TM9SF3: variants seen among roughly 807,000 people sequenced by gnomAD.
TM9SF3 encodes the protein SM-11044-binding protein.
A neutral mutation model predicts 78.6 loss-of-function variants in TM9SF3; 14 were observed. The observed-to-expected ratio is 0.18, with a 90% CI of 0.12 to 0.28. TM9SF3 has a LOEUF of 0.28. TM9SF3 is among the 10% of genes least tolerant of loss of function. The pLI, the probability that TM9SF3 is intolerant of heterozygous loss-of-function variation, is 1.00. For synonymous variants in TM9SF3, 231 were observed against 241.7 expected (o/e 0.96, Z 0.41); for missense variants, 496 against 721.9 (o/e 0.69, Z 3.59).
At chr10:96,586,683 G>A in intron 1 of TM9SF3, 51 bp downstream of exon 1, 2 of 1,204,586 alleles carry the variant, frequency 1.7e-6, no homozygotes, top group Non-Finnish European at 2.1e-6. Flanking sequence ...CTGCCTCAGT[G>A]GGCAACTGGG....
At chr10:96,578,082 T>A (rs1380852713) in intron 1 of TM9SF3, among the ~76,000 whole-genome samples, 3 of 152,260 alleles carry the variant, frequency 2.0e-5, no homozygotes, top group Admixed American at 2.0e-4. Flanking sequence ...CCCAAAAACA[T>A]TAACTTGTAT....
At chr10:96,556,662 A>G (rs913907439) in intron 5 of TM9SF3, among the ~76,000 whole-genome samples, 1 of 152,152 alleles carries the variant, frequency 6.6e-6, no homozygotes, top group Admixed American at 6.5e-5. Flanking sequence ...ATTTAAAAAA[A>G]AAAGAAAGAA....
chr10:96,547,758 T>C (rs1281551078), intron 8 of TM9SF3, 137 bp downstream of exon 8: 3 of 655,610 alleles, frequency 4.6e-6, no homozygotes, highest in Non-Finnish European at 2.6e-6. Context: ...AGGTGGAGAC[T>C]GCAGTGAGCA....
chr10:96,579,168 C>A (rs1024031498), intron 1 of TM9SF3, among the ~76,000 whole-genome samples: 1 of 152,162 alleles, frequency 6.6e-6, no homozygotes, highest in Non-Finnish European at 1.5e-5. Flanking sequence ...AGTTCATTGG[C>A]AACTTGGTAA....
chr10:96,563,379 T>A (rs1421560055), intron 3 of TM9SF3, among the ~76,000 whole-genome samples: 1 of 152,044 alleles, frequency 6.6e-6, no homozygotes, highest in South Asian at 2.1e-4. Flanking sequence ...ATAATTAATT[T>A]TTTTTTTTTT....
intron 10 of TM9SF3, 61 bp downstream of exon 10, chr10:96,532,990 A>T: frequency 6.3e-7 from 1 of 1,585,248 alleles, no homozygotes. Context: ...CATGTACACA[A>T]CAGCCTTAAG....
At chr10:96,531,451 T>C (rs1014544612) in intron 10 of TM9SF3, among the ~76,000 whole-genome samples, 1 of 152,190 alleles carries the variant, frequency 6.6e-6, no homozygotes, top group Non-Finnish European at 1.5e-5. Flanking sequence ...CATCTAGGTA[T>C]TTCCAGTGCC....
chr10:96,520,687 T>TTTAC lies in TM9SF3; in HGVS notation c.*1575_*1576insGTAA. The TTTAC allele has an allele frequency of 2.6e-6, 1 of 388,990 alleles. No homozygotes were observed. Among genetic ancestry groups the TTTAC allele is most frequent in the Non-Finnish European group, 4.6e-6 (1 of 219,488 alleles). The allele number at this position is 388,990 out of a possible 1,614,324, so 24.1% of individuals were successfully genotyped here. A position where few individuals can be genotyped will look rare whatever the true frequency, so the allele number is the denominator to read the frequency against. On this transcript the variant is annotated 3_prime_UTR_variant, in exon 15 of 15. Transcript: ENST00000371142. ...ATTCAAATCACTTCTCTTACAAAAC[T>TTTAC]GTAACCTTTATTTGTTGATCCAACA...
At chr10:96,524,605 C>A (rs1370808884) in intron 14 of TM9SF3, among the ~76,000 whole-genome samples, 1 of 151,764 alleles carries the variant, frequency 6.6e-6, no homozygotes, top group African/African-American at 2.4e-5. Flanking sequence ...AAAGAGAATA[C>A]TGAATATGCC....
intron 6 of TM9SF3, among the ~76,000 whole-genome samples, chr10:96,551,779 C>G (rs537543874): frequency 6.6e-6 from 1 of 152,164 alleles, no homozygotes; most frequent in South Asian, 2.1e-4. Context: ...CAATCAGGGG[C>G]TAGGTGGAGA....
At chr10:96,556,706 T>C (rs143665967) in intron 5 of TM9SF3, among the ~76,000 whole-genome samples, 15 of 152,246 alleles carry the variant, frequency 9.9e-5, no homozygotes, top group African/African-American at 3.6e-4. Context: ...CACTGGCTAC[T>C]GCACCATTTC....
chr10:96,559,636 CT>C, intron 5 of TM9SF3, 22 bp downstream of exon 5: 1 of 1,534,258 alleles, frequency 6.5e-7, no homozygotes. Flanking sequence ...TAATCAATGT[CT>C]TAAAATACAC....
intron 6 of TM9SF3, among the ~76,000 whole-genome samples, chr10:96,552,719 T>C (rs749707420): frequency 6.6e-6 from 1 of 152,178 alleles, no homozygotes; most frequent in Non-Finnish European, 1.5e-5. Context: ...TGAATGTTCT[T>C]ATGTTTTCCT....
intron 5 of TM9SF3, among the ~76,000 whole-genome samples, chr10:96,555,539 A>G (rs1349630837): frequency 6.6e-6 from 1 of 152,192 alleles, no homozygotes; most frequent in Non-Finnish European, 1.5e-5. Flanking sequence ...AACGTGCTGA[A>G]TATGTGCATG....
At chr10:96,571,079 A>C (rs1432556376) in intron 2 of TM9SF3, among the ~76,000 whole-genome samples, 1 of 152,136 alleles carries the variant, frequency 6.6e-6, no homozygotes, top group Non-Finnish European at 1.5e-5. Flanking sequence ...GAAATGGAAA[A>C]CGGTTGTAAG....
At chr10:96,524,616 C>T (rs1450383603) in intron 14 of TM9SF3, among the ~76,000 whole-genome samples, 1 of 151,774 alleles carries the variant, frequency 6.6e-6, no homozygotes, top group African/African-American at 2.4e-5. Context: ...TGAATATGCC[C>T]TCTAGAAAAG....
At chr10:96,527,883 T>C (rs1847856109) in intron 12 of TM9SF3, 148 bp downstream of exon 12, 1 of 741,838 alleles carries the variant, frequency 1.3e-6, no homozygotes. Flanking sequence ...AAAATATGTA[T>C]CATTTTTATA....
chr10:96,533,261 C>G, intron 9 of TM9SF3, 71 bp from the exon 10 acceptor site: 1 of 1,499,212 alleles, frequency 6.7e-7, no homozygotes, highest in Non-Finnish European at 9.0e-7. Context: ...AAAAGAGACA[C>G]AATTTAAACA....
intron 3 of TM9SF3, 56 bp from the exon 4 acceptor site, chr10:96,562,194 C>T: frequency 7.5e-7 from 1 of 1,330,780 alleles, no homozygotes; most frequent in Middle Eastern, 2.2e-4. Flanking sequence ...TTAAAATATC[C>T]TACAAGCTAA....
Sources: allele counts gnomAD v4.1 joint callset (sites outside exome capture counted in the v4.1 genomes callset), GRCh38; gene constraint gnomAD v4.1.1; transcripts MANE v1.5; gene names NCBI Gene and HGNC (gene_info 2026-07-23, HGNC 2026-07-21).